The following PRELID2 variants were observed in gnomAD, a reference collection of about 807,000 sequenced individuals.
PRELID2 encodes PRELI domain-containing protein 2.
In PRELID2, 25 loss-of-function variants were observed where a neutral mutation model predicts 28.4. The ratio of observed to expected loss-of-function variants is 0.88; its 90% confidence interval spans 0.64 to 1.23. PRELID2 has a LOEUF of 1.23. Among genes scored for constraint, PRELID2 ranks in the 50% most tolerant of loss-of-function variants. The probability of loss-of-function intolerance (pLI) is 0.00; values close to 1 mark genes in which losing one functional copy is unlikely to be tolerated. For synonymous variants in PRELID2, 76 were observed against 71.6 expected (o/e 1.06, Z -0.31); for missense variants, 201 against 214.4 (o/e 0.94, Z 0.39).
Position 145,627,097 on chromosome 5 carries a change from C to CAAAAAA in PRELID2, n.70+137828_70+137833dup, listed in dbSNP as rs745309247. The stretch of plus-strand genomic sequence containing the variant: ...CCTGGGTGACAGAGTAAGACTCTCC[C>CAAAAAA]AAAAAAAAAAAAAAAAAAAAAAAAA... On this transcript the variant is annotated intron_variant and non_coding_transcript_variant, in intron 1 of 2. Transcript: ENST00000510259. 2.1e-3 allele frequency among the ~76,000 whole-genome samples: 88 copies of CAAAAAA among 41,816 alleles called. 5 individuals are homozygous for CAAAAAA. Among genetic ancestry groups the CAAAAAA allele is most frequent in the East Asian group, 7.5e-3 (8 of 1,068 alleles). The allele number at this position is 41,816 out of a possible 152,430, so 27.4% of individuals were successfully genotyped here. A position where few individuals can be genotyped will look rare whatever the true frequency, so the allele number is the denominator to read the frequency against.
At chr5:145,657,540 C>T (rs1754418095) in intron 1 of PRELID2, among the ~76,000 whole-genome samples, 1 of 152,126 alleles carries the variant, frequency 6.6e-6, no homozygotes, top group South Asian at 2.1e-4. Flanking sequence ...AAAAAATTAG[C>T]CGGGCGTGGT....
At chr5:145,477,104 C>G (rs1230076540) in intron 1 of PRELID2, among the ~76,000 whole-genome samples, 3 of 152,080 alleles carry the variant, frequency 2.0e-5, no homozygotes, top group Admixed American at 6.6e-5. Context: ...CTTTTCATGG[C>G]AAGTGGTAGA....
chr5:145,498,108 T>C (rs907877056), intron 1 of PRELID2, among the ~76,000 whole-genome samples: 1 of 152,150 alleles, frequency 6.6e-6, no homozygotes, highest in African/African-American at 2.4e-5. Flanking sequence ...ATGCATTCTC[T>C]AGAGAGAGAA....
chr5:145,357,650 C>T, the PRELID2 span, among the ~76,000 whole-genome samples: 3 of 152,116 alleles, frequency 2.0e-5, no homozygotes, highest in African/African-American at 7.2e-5. Context: ...TACATTGTTT[C>T]ACCATATTTC....
intron 5 of PRELID2, among the ~76,000 whole-genome samples, chr5:145,781,718 A>T (rs1247648380): frequency 6.8e-6 from 1 of 146,556 alleles, no homozygotes; most frequent in African/African-American, 2.5e-5. Context: ...ATACACACAC[A>T]CTATATATAT....
At chr5:145,633,491 A>C (rs1463858958) in intron 1 of PRELID2, among the ~76,000 whole-genome samples, 2 of 152,218 alleles carry the variant, frequency 1.3e-5, no homozygotes, top group Non-Finnish European at 2.9e-5. Flanking sequence ...GCAAATGGCC[A>C]GCAACAGAGA....
chr5:145,374,487 A>C, the PRELID2 span, among the ~76,000 whole-genome samples: 1 of 151,888 alleles, frequency 6.6e-6, no homozygotes, highest in Admixed American at 6.6e-5. Flanking sequence ...GGAGTATCTT[A>C]GTGGTTTTCT....
At chr5:145,480,706 A>AT (rs1325313365) in intron 1 of PRELID2, among the ~76,000 whole-genome samples, 3 of 152,056 alleles carry the variant, frequency 2.0e-5, no homozygotes, top group East Asian at 1.9e-4. Flanking sequence ...TTGTTAAGTG[A>AT]TTTTTTCCTC....
chr5:145,823,422 A>G (rs1754967086), intron 1 of PRELID2, among the ~76,000 whole-genome samples: 1 of 152,224 alleles, frequency 6.6e-6, no homozygotes, highest in African/African-American at 2.4e-5. Flanking sequence ...TTAATATTGA[A>G]CCAGCCTAAC....
rs1231211769 is a variant in PRELID2 at position 145,821,114 on chromosome 5, C to A, written c.134-1096G>T. Among the ~76,000 whole-genome samples, 7 of 146,886 alleles carry A rather than the reference C, an allele frequency of 4.8e-5. No individual in the cohort carries two copies. In the East Asian group the frequency reaches 1.4e-3, roughly 29 times the overall value. ...ATTACTTTAGAGAGACAGTTAACAA[C>A]CGCCTGACCGTCACCTGATGGTCAT... On this transcript the variant is annotated intron_variant, in intron 2 of 6. Coordinates refer to ENST00000683046, the MANE Select transcript of PRELID2 (RefSeq NM_205846.3).
rs191812906 is a variant in PRELID2 at position 145,820,599 on chromosome 5, A to C, written c.134-581T>G. Among the ~76,000 whole-genome samples, 129 of 152,278 alleles carry C rather than the reference A, an allele frequency of 8.5e-4. 1 individual carries two copies. In the East Asian group the frequency reaches 0.024, roughly 29 times the overall value. On this transcript the variant is annotated intron_variant, in intron 2 of 6. Coordinates refer to ENST00000683046, the MANE Select transcript of PRELID2 (RefSeq NM_205846.3). ...ATTTAAACCCATAATTAATTATATT[A>C]GCCACATTTCTCTCTCATAAGGGAG...
At chr5:145,715,220 C>T (rs914371386) in intron 1 of PRELID2, among the ~76,000 whole-genome samples, 12 of 152,108 alleles carry the variant, frequency 7.9e-5, no homozygotes, top group African/African-American at 2.9e-4. Context: ...GTATAAATAG[C>T]ATCTCCACTC....
chr5:145,717,059 TAAG>T (rs1755863715), intron 1 of PRELID2, among the ~76,000 whole-genome samples: 2 of 152,248 alleles, frequency 1.3e-5, no homozygotes, highest in African/African-American at 2.4e-5. Flanking sequence ...TGAAACTATA[TAAG>T]AAGATATGGA....
intron 1 of PRELID2, among the ~76,000 whole-genome samples, chr5:145,636,718 CAG>C (rs1754007741): frequency 6.6e-6 from 1 of 152,198 alleles, no homozygotes; most frequent in South Asian, 2.1e-4. Flanking sequence ...AATATTCTTT[CAG>C]AGTTTCACCA....
chr5:145,728,304 G>C (rs1434820444), intron 1 of PRELID2: 1 of 280,818 alleles, frequency 3.6e-6, no homozygotes, highest in African/African-American at 2.2e-5. Context: ...GTGAGTTCCT[G>C]CAAGTCCCTG....
chr5:145,405,330 C>T, the PRELID2 span, among the ~76,000 whole-genome samples: 1 of 152,040 alleles, frequency 6.6e-6, no homozygotes, highest in African/African-American at 2.4e-5. Flanking sequence ...AATCTGGGTC[C>T]CCACCTATGT....
chr5:145,781,733 T>C (rs1008744434), intron 5 of PRELID2, among the ~76,000 whole-genome samples: 2 of 146,096 alleles, frequency 1.4e-5, no homozygotes, highest in African/African-American at 5.0e-5. Flanking sequence ...ATATATATAC[T>C]ATATATATAC....
the PRELID2 span, among the ~76,000 whole-genome samples, chr5:145,249,882 G>C: frequency 9.9e-5 from 15 of 151,490 alleles, no homozygotes; most frequent in African/African-American, 3.6e-4. Context: ...GAGTGGGAGG[G>C]TTCCATTCTT....
chr5:145,252,452 C>T, the PRELID2 span, among the ~76,000 whole-genome samples: 1 of 152,034 alleles, frequency 6.6e-6, no homozygotes, highest in Non-Finnish European at 1.5e-5. Context: ...TTGATTTTCT[C>T]ATTTTTCAAA....
Sources: allele counts gnomAD v4.1 joint callset (sites outside exome capture counted in the v4.1 genomes callset), GRCh38; gene constraint gnomAD v4.1.1; transcripts MANE v1.5; gene names NCBI Gene and HGNC (gene_info 2026-07-23, HGNC 2026-07-21).